ABCC1: variants seen among roughly 807,000 people sequenced by gnomAD.
ABCC1 encodes multidrug resistance-associated protein 1.
A neutral mutation model predicts 172.9 loss-of-function variants in ABCC1; 83 were observed. That is an observed-to-expected ratio of 0.48 (90% confidence interval 0.40 to 0.58). The LOEUF (loss-of-function observed/expected upper bound fraction) is 0.58. ABCC1 is among the 20% of genes least tolerant of loss of function. The pLI, the probability that ABCC1 is intolerant of heterozygous loss-of-function variation, is 0.00. For missense variants in ABCC1, 1,817 were observed against 2,002.7 expected (o/e 0.91, Z 1.77); for synonymous variants, 937 against 825.2 (o/e 1.14, Z -2.32).
chr16:16,071,676 T>C lies in ABCC1; in HGVS notation c.1859T>C (p.Leu620Pro). 1.9e-6 allele frequency: 3 copies of C among 1,614,050 alleles called. No homozygotes were observed. Among genetic ancestry groups the C allele is most frequent in the Non-Finnish European group, 2.5e-6 (3 of 1,179,994 alleles). ...TCCCTCAAACGCCTGAGGATCTTTC[T>C]CTCCCATGAGGAGCTGGAACCTGAC... Reference protein sequence around the residue: ...SVSLKRLRIFLSHEELEPDSI... With the variant: ...SVSLKRLRIFPSHEELEPDSI... The change falls in exon 14 of 31, where the codon CTC (leucine) becomes CCC (proline). Residue 620 changes from leucine (L) to proline (P), a missense_variant. Coordinates refer to ENST00000399410, the MANE Select transcript of ABCC1 (RefSeq NM_004996.4).
chr16:16,057,826 A>G (rs1462211761), intron 12 of ABCC1, among the ~76,000 whole-genome samples: 1 of 151,890 alleles, frequency 6.6e-6, no homozygotes, highest in Non-Finnish European at 1.5e-5. Flanking sequence ...CCCAGGCTGG[A>G]GTACTGTGGT....
At chr16:15,970,126 T>G (rs976766847) in intron 1 of ABCC1, among the ~76,000 whole-genome samples, 1 of 152,106 alleles carries the variant, frequency 6.6e-6, no homozygotes, top group Non-Finnish European at 1.5e-5. Flanking sequence ...AGACCCCAAA[T>G]ATAGTGGGTT....
chr16:16,093,781 G>A (rs181788181), intron 19 of ABCC1, among the ~76,000 whole-genome samples: 1 of 152,202 alleles, frequency 6.6e-6, no homozygotes, highest in African/African-American at 2.4e-5. Flanking sequence ...TTTTTTCCTT[G>A]TTGGATTAAT....
chr16:16,129,740 G>C (rs1385660664), intron 26 of ABCC1, among the ~76,000 whole-genome samples: 1 of 152,036 alleles, frequency 6.6e-6, no homozygotes, highest in Non-Finnish European at 1.5e-5. Flanking sequence ...GTTTCACCAT[G>C]TTGGTCAGGC....
chr16:16,076,530 T>A, intron 15 of ABCC1, 129 bp downstream of exon 15: 1 of 883,292 alleles, frequency 1.1e-6, no homozygotes, highest in Non-Finnish European at 1.7e-6. Context: ...TTCTAAGACT[T>A]AGCTTACCCA....
intron 1 of ABCC1, among the ~76,000 whole-genome samples, chr16:15,967,403 C>G (rs965486856): frequency 1.3e-5 from 2 of 151,872 alleles, no homozygotes; most frequent in African/African-American, 4.8e-5. Context: ...TGAAATTGGA[C>G]TGATATGTGG....
chr16:16,107,008 C>A, intron 21 of ABCC1, 135 bp downstream of exon 21: 2 of 1,297,610 alleles, frequency 1.5e-6, no homozygotes, highest in Non-Finnish European at 2.1e-6. Context: ...ATACTATTTG[C>A]AGCACCAGAA....
chr16:16,006,143 T>A (rs1021024012), intron 1 of ABCC1, among the ~76,000 whole-genome samples: 1 of 152,196 alleles, frequency 6.6e-6, no homozygotes, highest in African/African-American at 2.4e-5. Context: ...AAACCTATTT[T>A]GTACTTCTTA....
chr16:16,068,356 A>T (rs780529941), intron 13 of ABCC1, 54 bp downstream of exon 13: 4 of 1,600,444 alleles, frequency 2.5e-6, no homozygotes, highest in Non-Finnish European at 3.4e-6. Flanking sequence ...GTTCTAGGCC[A>T]CGAAAGCATG....
In ABCC1 at chr16:16,122,053, G is replaced by A; in HGVS notation, c.3469G>A (p.Glu1157Lys). The A allele has an allele frequency of 1.9e-6, 3 of 1,614,162 alleles. No homozygotes were observed. The highest frequency in any genetic ancestry group is 1.7e-6 in the Non-Finnish European group (2 of 1,180,028). ...CTCCCCGGTCTATTCCCATTTCAACGAGACCTTGCTGGGGGTCAGCGTCAT... is the reference window on the plus strand; with the variant it reads ...CTCCCCGGTCTATTCCCATTTCAACAAGACCTTGCTGGGGGTCAGCGTCAT... ...SRSPVYSHFNETLLGVSVIRA... is the reference protein window; with the variant it reads ...SRSPVYSHFNKTLLGVSVIRA... Residue 1157 changes from glutamate to lysine, a missense_variant, in exon 24 of 31, where the codon GAG becomes AAG. Coordinates refer to ENST00000399410, the MANE Select transcript of ABCC1 (RefSeq NM_004996.4).
chr16:16,057,378 A>AG (rs1463147359), intron 12 of ABCC1, among the ~76,000 whole-genome samples: 1 of 151,544 alleles, frequency 6.6e-6, no homozygotes, highest in Non-Finnish European at 1.5e-5. Context: ...AAAAAAAAAA[A>AG]AAATAAGTAA....
At chr16:16,127,406 C>A (rs2045485847) in intron 26 of ABCC1, among the ~76,000 whole-genome samples, 1 of 152,240 alleles carries the variant, frequency 6.6e-6, no homozygotes, top group Admixed American at 6.5e-5. Flanking sequence ...GGGATTTTGC[C>A]CAGACTCATC....
intron 7 of ABCC1, among the ~76,000 whole-genome samples, chr16:16,042,850 A>C (rs1247076664): frequency 1.3e-5 from 2 of 152,218 alleles, no homozygotes; most frequent in East Asian, 3.9e-4. Context: ...AGTCATCATC[A>C]CAGTCAATTT....
intron 1 of ABCC1, among the ~76,000 whole-genome samples, chr16:15,995,271 T>C (rs192083251): frequency 2.0e-5 from 3 of 152,280 alleles, no homozygotes; most frequent in South Asian, 2.1e-4. Context: ...TGAAATGTAA[T>C]GTGAAACACT....
intron 10 of ABCC1, among the ~76,000 whole-genome samples, chr16:16,050,946 G>T (rs1021834652): frequency 3.3e-5 from 5 of 152,054 alleles, no homozygotes; most frequent in African/African-American, 9.7e-5. Flanking sequence ...TTTCAAGCAG[G>T]TGTCTTGGGG....
At chr16:16,000,840 GTTGT>G (rs2047283570) in intron 1 of ABCC1, among the ~76,000 whole-genome samples, 1 of 152,150 alleles carries the variant, frequency 6.6e-6, no homozygotes, top group African/African-American at 2.4e-5. Flanking sequence ...TTGGGGGCAG[GTTGT>G]TTGGGGAGTG....
At chr16:15,982,803 CAAAAAA>C (rs148834444) in intron 1 of ABCC1, among the ~76,000 whole-genome samples, 6 of 43,212 alleles carry the variant, frequency 1.4e-4, no homozygotes, top group Admixed American at 7.0e-4. Context: ...GAGACGCTGT[CAAAAAA>C]AAAAAAAAAA....
chr16:16,108,641 G>C (rs1184865219), intron 21 of ABCC1, among the ~76,000 whole-genome samples: 1 of 150,106 alleles, frequency 6.7e-6, no homozygotes, highest in African/African-American at 2.5e-5. Flanking sequence ...TGTCACCCAG[G>C]ATGGAGTGCA....
chr16:15,950,782 A>G (rs1301842408), intron 1 of ABCC1, among the ~76,000 whole-genome samples: 1 of 152,084 alleles, frequency 6.6e-6, no homozygotes, highest in Non-Finnish European at 1.5e-5. Context: ...TTTAGGAATC[A>G]GGAGAAACAG....
Sources: gnomAD v4.1 joint callset for allele counts (sites outside exome capture counted in the v4.1 genomes callset) on GRCh38, gnomAD v4.1.1 for gene constraint, MANE v1.5 for transcripts, NCBI Gene and HGNC (gene_info 2026-07-23, HGNC 2026-07-21) for gene names.